SNX24: variants seen among roughly 807,000 people sequenced by gnomAD.
The protein encoded by SNX24 is sorting nexin 24.
Under a neutral mutation model 28.7 loss-of-function variants are expected in SNX24, and 22 were observed. That is an observed-to-expected ratio of 0.77 (90% CI 0.55 to 1.10). The LOEUF is 1.10. Among genes scored for constraint, SNX24 ranks in the 50% least tolerant of loss-of-function variants. The pLI is 0.00. For missense variants in SNX24, 221 were observed against 201.1 expected, an observed-to-expected ratio of 1.10 and a Z score of -0.60; for synonymous variants, 69 against 71.5, an observed-to-expected ratio of 0.96 and a Z score of 0.18.
intron 1 of SNX24, among the ~76,000 whole-genome samples, chr5:122,875,132 A>G (rs920072435): frequency 1.3e-5 from 2 of 152,244 alleles, no homozygotes; most frequent in Admixed American, 1.3e-4. Flanking sequence ...AACATTTGAT[A>G]GAAATTTCAG....
intron 5 of SNX24, among the ~76,000 whole-genome samples, chr5:123,016,072 C>T (rs1402445708): frequency 6.6e-6 from 1 of 152,166 alleles, no homozygotes; most frequent in Non-Finnish European, 1.5e-5. Context: ...TTTCTAAAAC[C>T]TTGGTATCTT....
intron 1 of SNX24, among the ~76,000 whole-genome samples, chr5:122,918,984 A>G (rs770340680): frequency 4.6e-5 from 7 of 152,230 alleles, no homozygotes; most frequent in Non-Finnish European, 7.3e-5. Context: ...TCTTAGTGCA[A>G]TTACAACTTT....
chr5:122,997,062 A>G (rs562760744), intron 3 of SNX24, among the ~76,000 whole-genome samples: 8 of 152,330 alleles, frequency 5.3e-5, no homozygotes, highest in Admixed American at 2.6e-4. Context: ...TCATGTGTGT[A>G]TGAACAAAAA....
chr5:122,998,068 A>C (rs1347779062), intron 3 of SNX24: 1 of 152,336 alleles, frequency 6.6e-6, no homozygotes, highest in East Asian at 1.9e-4. Context: ...AATGTCCTTG[A>C]ATAGGTAAAA....
At chr5:123,020,403 G>T (rs1420991004) in intron 5 of SNX24, among the ~76,000 whole-genome samples, 1 of 152,142 alleles carries the variant, frequency 6.6e-6, no homozygotes, top group African/African-American at 2.4e-5. Flanking sequence ...ACATAATTGA[G>T]ATCATGCTGC....
At chr5:122,943,891 CCTCTATTTCCACAG>C in intron 2 of SNX24, among the ~76,000 whole-genome samples, 1 of 152,270 alleles carries the variant, frequency 6.6e-6, no homozygotes, top group African/African-American at 2.4e-5. Flanking sequence ...AATGTCATCT[CCTCTATTTCCACAG>C]CTCTAATTAC....
chr5:122,952,476 C>T (rs990420351), intron 3 of SNX24, among the ~76,000 whole-genome samples: 8 of 152,194 alleles, frequency 5.3e-5, no homozygotes, highest in Non-Finnish European at 1.2e-4. Flanking sequence ...TGACTGCGCG[C>T]TCCACTCATA....
At chr5:122,870,475 T>A (rs1755922246) in intron 1 of SNX24, among the ~76,000 whole-genome samples, 1 of 152,212 alleles carries the variant, frequency 6.6e-6, no homozygotes. Flanking sequence ...GTTTCAGTGT[T>A]GTTCCTTAGC....
Position 123,006,332 on chromosome 5 carries a change from T to A in SNX24, c.443-1350T>A, listed in dbSNP as rs547798979. On this transcript the variant is annotated intron_variant, in intron 6 of 6. Transcript: ENST00000261369. ...CAGAAACCCAGGAGGCATCCTTGAC[T>A]TCACCCCTTCCCTCACTAGCCACAT... 9.8e-4 allele frequency among the ~76,000 whole-genome samples: 149 copies of A among 152,294 alleles called. 2 individuals carry two copies. The highest frequency in any genetic ancestry group is 3.5e-3 in the African/African-American group (147 of 41,572).
At chr5:122,925,916 T>C (rs1758674557) in intron 1 of SNX24, among the ~76,000 whole-genome samples, 1 of 152,128 alleles carries the variant, frequency 6.6e-6, no homozygotes, top group Non-Finnish European at 1.5e-5. Flanking sequence ...TTCCTATCAT[T>C]ATGGAGCTTA....
rs530633473 is a variant in SNX24 at position 122,916,439 on chromosome 5, C to T, written c.61-20295C>T. Among the ~76,000 whole-genome samples, 6 of 152,156 alleles carry T rather than the reference C, an allele frequency of 3.9e-5. No homozygotes were observed. In the South Asian group the frequency reaches 8.3e-4, roughly 21 times the overall value. On this transcript the variant is annotated intron_variant, in intron 1 of 6. Coordinates refer to ENST00000261369, the MANE Select transcript of SNX24 (RefSeq NM_014035.4). ...TGGCATCATAAAGCTAGAAGTTGAA[C>T]GTTTCTCACTTTTCTTAATTCTTTA...
chr5:122,933,807 C>G (rs1207604965), intron 1 of SNX24, among the ~76,000 whole-genome samples: 4 of 151,732 alleles, frequency 2.6e-5, no homozygotes, highest in Non-Finnish European at 5.9e-5. Flanking sequence ...ATTCCAGAGG[C>G]AACACATTCA....
intron 2 of SNX24, among the ~76,000 whole-genome samples, chr5:122,940,693 T>C (rs1227331076): frequency 6.6e-6 from 1 of 152,120 alleles, no homozygotes; most frequent in Non-Finnish European, 1.5e-5. Flanking sequence ...TTCCCCAGCC[T>C]CCCGAGTAGC....
At chr5:122,892,187 C>G (rs1025350901) in intron 1 of SNX24, among the ~76,000 whole-genome samples, 1 of 152,022 alleles carries the variant, frequency 6.6e-6, no homozygotes, top group Non-Finnish European at 1.5e-5. Context: ...CTTAGTCTCT[C>G]TCTTTCTCTA....
intron 2 of SNX24, among the ~76,000 whole-genome samples, chr5:122,944,765 A>C (rs1394704330): frequency 6.6e-6 from 1 of 152,220 alleles, no homozygotes; most frequent in African/African-American, 2.4e-5. Context: ...AGAATGGTTA[A>C]GGGTGAATAT....
chr5:122,973,114 C>T (rs1349841159), intron 3 of SNX24, among the ~76,000 whole-genome samples: 1 of 152,208 alleles, frequency 6.6e-6, no homozygotes, highest in Non-Finnish European at 1.5e-5. Flanking sequence ...GGTGAACACT[C>T]ATATGGGATA....
intron 1 of SNX24, among the ~76,000 whole-genome samples, chr5:122,878,685 A>C (rs575888961): frequency 2.0e-5 from 3 of 152,332 alleles, no homozygotes; most frequent in African/African-American, 7.2e-5. Context: ...TAGAAATATA[A>C]TGCTCACCGT....
intron 1 of SNX24, among the ~76,000 whole-genome samples, chr5:122,926,253 A>G (rs1300335493): frequency 6.6e-6 from 1 of 152,314 alleles, no homozygotes; most frequent in Non-Finnish European, 1.5e-5. Context: ...GAACGTGCCT[A>G]TTATAGTTGC....
intron 1 of SNX24, among the ~76,000 whole-genome samples, chr5:122,875,188 C>T (rs1009049675): frequency 2.0e-5 from 3 of 152,224 alleles, no homozygotes; most frequent in Admixed American, 6.5e-5. Context: ...TAGAATTTGA[C>T]CTAAGTTATT....
Sources: gnomAD v4.1 joint callset for allele counts (sites outside exome capture counted in the v4.1 genomes callset) on GRCh38, gnomAD v4.1.1 for gene constraint, MANE v1.5 for transcripts, NCBI Gene and HGNC (gene_info 2026-07-23, HGNC 2026-07-21) for gene names.